The following ZNF215 variants were observed in gnomAD, a reference collection of about 807,000 sequenced individuals.
ZNF215 encodes the protein zinc finger protein 215, also known as BWSCR2-associated zinc finger protein 2.
A neutral mutation model predicts 27.2 loss-of-function variants in ZNF215; 24 were observed. The observed-to-expected ratio is 0.88, with a 90% CI of 0.64 to 1.24. The LOEUF is 1.24. Among genes scored for constraint, ZNF215 ranks in the 50% most tolerant of loss-of-function variants. The probability of loss-of-function intolerance (pLI) is 0.00; values close to 1 mark genes in which losing one functional copy is unlikely to be tolerated. For synonymous variants in ZNF215, 210 were observed against 204.0 expected, an observed-to-expected ratio of 1.03 and a Z score of -0.25; for missense variants, 675 against 605.7, an observed-to-expected ratio of 1.11 and a Z score of -1.20.
intron 6 of ZNF215, among the ~76,000 whole-genome samples, chr11:6,952,431 A>G (rs1291630073): frequency 6.6e-6 from 1 of 152,144 alleles, no homozygotes; most frequent in Admixed American, 6.5e-5. Context: ...TATTGGGTGC[A>G]TATATATTTA....
Position 6,957,098 on chromosome 11 carries a change from G to A in ZNF215, c.*567G>A, listed in dbSNP as rs1655153391. ...GCTGTTGAATGGAGACTAGAGTTGG[G>A]AAAGGGTTATCAACTGCAATGGGAG... On this transcript the variant is annotated 3_prime_UTR_variant, in exon 7 of 7. Coordinates refer to ENST00000278319, the MANE Select transcript of ZNF215 (RefSeq NM_013250.4). 2.0e-6 allele frequency: 2 copies of A among 985,512 alleles called. No homozygotes were observed. The highest frequency in any genetic ancestry group is 1.7e-5 in the African/African-American group (1 of 57,242). The allele number at this position is 985,512 out of a possible 1,614,324, so 61.0% of individuals were successfully genotyped here. A position where few individuals can be genotyped will look rare whatever the true frequency, so the allele number is the denominator to read the frequency against.
intron 2 of ZNF215, among the ~76,000 whole-genome samples, chr11:6,928,635 A>C (rs1252680453): frequency 1.3e-5 from 2 of 152,090 alleles, no homozygotes; most frequent in Non-Finnish European, 2.9e-5. Flanking sequence ...TACCCGGTAC[A>C]TTTATTGTTG....
intron 3 of ZNF215, among the ~76,000 whole-genome samples, chr11:6,933,692 G>C (rs185071155): frequency 0.01 from 1,527 of 151,898 alleles, 29 homozygotes; most frequent in African/African-American, 0.035. Flanking sequence ...CTACTAGGGA[G>C]GCTGAGGCAG....
downstream of ZNF215, among the ~76,000 whole-genome samples, chr11:6,961,099 C>G (rs1029712383): frequency 6.6e-6 from 1 of 152,100 alleles, no homozygotes; most frequent in African/African-American, 2.4e-5. Context: ...ATGTTTGCAT[C>G]TGAGACAATA....
downstream of ZNF215, among the ~76,000 whole-genome samples, chr11:6,991,533 A>C (rs1564982259): frequency 6.6e-6 from 1 of 152,176 alleles, no homozygotes; most frequent in Admixed American, 6.5e-5. Flanking sequence ...AGTCACCCCT[A>C]CACACCCGCA....
At chr11:6,952,828 C>G (rs1157010507) in intron 6 of ZNF215, among the ~76,000 whole-genome samples, 3 of 151,708 alleles carry the variant, frequency 2.0e-5, no homozygotes, top group Non-Finnish European at 4.4e-5. Context: ...TCTTCGTAGC[C>G]TCGATGGTCT....
chr11:6,981,873 C>A (rs1173024948), intron 5 of ZNF215, among the ~76,000 whole-genome samples: 1 of 152,050 alleles, frequency 6.6e-6, no homozygotes, highest in African/African-American at 2.4e-5. Flanking sequence ...GGAATCCTTT[C>A]CCTATTGCTT....
chr11:6,934,913 C>A (rs1267320058), intron 3 of ZNF215, among the ~76,000 whole-genome samples: 1 of 152,150 alleles, frequency 6.6e-6, no homozygotes, highest in East Asian at 1.9e-4. Flanking sequence ...CTTGAGAAAT[C>A]TAGCAGAAAA....
At chr11:6,984,113 T>A (rs896497503) in intron 5 of ZNF215, 2 of 239,040 alleles carry the variant, frequency 8.4e-6, no homozygotes, top group Non-Finnish European at 1.7e-5. Flanking sequence ...GTCCCTTAAA[T>A]TTTTTTTTTT....
At chr11:6,954,553 A>G (rs1173149093) in intron 6 of ZNF215, among the ~76,000 whole-genome samples, 2 of 152,148 alleles carry the variant, frequency 1.3e-5, no homozygotes, top group Non-Finnish European at 2.9e-5. Context: ...GCAGGATATA[A>G]TCTCCTGGTG....
intron 5 of ZNF215, among the ~76,000 whole-genome samples, chr11:6,983,695 C>G (rs762853): frequency 0.12 from 18,703 of 152,024 alleles, 1,496 homozygotes; most frequent in African/African-American, 0.23. Flanking sequence ...TTGTTTTAAA[C>G]TTGTTAAAGT....
At chr11:6,958,829 T>C (rs141944919), downstream of ZNF215, among the ~76,000 whole-genome samples, 375 of 152,300 alleles carry the variant, frequency 2.5e-3, 1 homozygote, top group African/African-American at 7.9e-3. Context: ...CGGAGTCTGA[T>C]GTTCAAGGGT....
intron 5 of ZNF215, among the ~76,000 whole-genome samples, chr11:6,974,712 A>G (rs1850794107): frequency 6.6e-6 from 1 of 152,052 alleles, no homozygotes; most frequent in African/African-American, 2.4e-5. Context: ...TTGATGTATA[A>G]GAATGCTTGT....
At chr11:6,985,468 C>T (rs1226282054), downstream of ZNF215, among the ~76,000 whole-genome samples, 1 of 152,086 alleles carries the variant, frequency 6.6e-6, no homozygotes, top group Non-Finnish European at 1.5e-5. Context: ...GAACCATTCC[C>T]CATGAAAACT....
rs767512547 is a variant in ZNF215 at position 6,956,570 on chromosome 11, A to G, written c.*39A>G. ...GAAAGATTACCTTCAGTCAGAATGC[A>G]GAACTCATTTAACATCATGAATTTA... On this transcript the variant is annotated 3_prime_UTR_variant, in exon 7 of 7. Transcript: ENST00000278319. The G allele has an allele frequency of 1.3e-6, 2 of 1,516,704 alleles. No individual in the cohort carries two copies. The highest frequency in any genetic ancestry group is 2.3e-5 in the East Asian group (1 of 44,146). 94.0% of individuals were successfully genotyped at this position (1,516,704 alleles called of 1,614,324 possible).
At chr11:6,952,574 T>G (rs1014055848) in intron 6 of ZNF215, among the ~76,000 whole-genome samples, 1 of 151,972 alleles carries the variant, frequency 6.6e-6, no homozygotes, top group African/African-American at 2.4e-5. Flanking sequence ...TTTTTTTGTT[T>G]TCCATTTGCT....
At chr11:6,981,025 T>A (rs1362743921) in intron 5 of ZNF215, among the ~76,000 whole-genome samples, 1 of 151,304 alleles carries the variant, frequency 6.6e-6, no homozygotes, top group Non-Finnish European at 1.5e-5. Context: ...GACATTTGGG[T>A]TGGTTCCAAG....
At chr11:6,949,051 A>T (rs977783945) in intron 6 of ZNF215, among the ~76,000 whole-genome samples, 5 of 150,636 alleles carry the variant, frequency 3.3e-5, no homozygotes, top group Non-Finnish European at 7.4e-5. Context: ...TTCCAATTTC[A>T]TCCATGTCCC....
At chr11:6,974,076 G>T (rs1403529853) in intron 5 of ZNF215, among the ~76,000 whole-genome samples, 1 of 152,088 alleles carries the variant, frequency 6.6e-6, no homozygotes, top group Non-Finnish European at 1.5e-5. Context: ...TTTGTATAAG[G>T]TGTAAGGAAG....
Sources: allele counts gnomAD v4.1 joint callset (sites outside exome capture counted in the v4.1 genomes callset), GRCh38; gene constraint gnomAD v4.1.1; transcripts MANE v1.5; gene names NCBI Gene and HGNC (gene_info 2026-07-23, HGNC 2026-07-21).